The following NRIP1 variants were observed in gnomAD, a reference collection of about 807,000 sequenced individuals.
NRIP1 encodes nuclear receptor-interacting protein 1.
NRIP1 carries 28 observed loss-of-function variants against 75.0 expected under a neutral mutation model. The observed-to-expected ratio is 0.37, with a 90% confidence interval of 0.28 to 0.51. The LOEUF (loss-of-function observed/expected upper bound fraction) is 0.51. Among genes scored for constraint, NRIP1 ranks in the 20% least tolerant of loss-of-function variants. The pLI, the probability that NRIP1 is intolerant of heterozygous loss-of-function variation, is 0.92. For synonymous variants in NRIP1, 526 were observed against 487.6 expected (o/e 1.08, Z -1.04); for missense variants, 1,435 against 1,343.7 (o/e 1.07, Z -1.06).
intron 2 of NRIP1, among the ~76,000 whole-genome samples, chr21:15,039,575 T>G (rs997619820): frequency 1.3e-5 from 2 of 152,128 alleles, no homozygotes; most frequent in African/African-American, 4.8e-5. Flanking sequence ...TTAGGTAACC[T>G]TTAAATATCC....
intron 3 of NRIP1, among the ~76,000 whole-genome samples, chr21:14,987,458 C>T (rs1467242391): frequency 1.3e-5 from 2 of 152,168 alleles, no homozygotes; most frequent in African/African-American, 4.8e-5. Context: ...AAACCTGCTG[C>T]CAGGTTCCAC....
chr21:15,050,954 T>C (rs570352699), intron 1 of NRIP1: 2 of 455,362 alleles, frequency 4.4e-6, no homozygotes, highest in African/African-American at 4.0e-5. Flanking sequence ...AAAGCTACTA[T>C]TATTACACAC....
At chr21:14,998,951 C>T (rs1354507671) in intron 3 of NRIP1, among the ~76,000 whole-genome samples, 1 of 152,008 alleles carries the variant, frequency 6.6e-6, no homozygotes, top group African/African-American at 2.4e-5. Context: ...ACTCCTAATC[C>T]CCACATTGTC....
chr21:14,970,144 C>T (rs1299871586), intron 3 of NRIP1, among the ~76,000 whole-genome samples: 3 of 152,084 alleles, frequency 2.0e-5, no homozygotes, highest in African/African-American at 7.2e-5. Flanking sequence ...TGGCATGTTG[C>T]TTAATTGGAG....
At chr21:14,986,839 T>C (rs1047337528) in intron 3 of NRIP1, among the ~76,000 whole-genome samples, 15 of 152,304 alleles carry the variant, frequency 9.8e-5, no homozygotes, top group African/African-American at 2.9e-4. Flanking sequence ...TTGTATCCAA[T>C]TGGAAGGGCA....
chr21:15,017,937 A>G (rs931924944), intron 2 of NRIP1, among the ~76,000 whole-genome samples: 8 of 152,222 alleles, frequency 5.3e-5, no homozygotes, highest in African/African-American at 1.9e-4. Flanking sequence ...CAAAAGATAA[A>G]TTAAAAGAAT....
chr21:15,014,241 T>C, intron 3 of NRIP1, 103 bp downstream of exon 3: 1 of 387,234 alleles, frequency 2.6e-6, no homozygotes, highest in Non-Finnish European at 4.6e-6. Flanking sequence ...ACATAATACA[T>C]ATTTTGAATT....
chr21:15,026,327 G>C (rs775830705), intron 2 of NRIP1, among the ~76,000 whole-genome samples: 39 of 152,168 alleles, frequency 2.6e-4, no homozygotes, highest in Non-Finnish European at 4.6e-4. Flanking sequence ...AGTAAATCAA[G>C]ATCATAATAC....
At chr21:14,993,402 CT>C (rs2087626178) in intron 3 of NRIP1, among the ~76,000 whole-genome samples, 1 of 152,136 alleles carries the variant, frequency 6.6e-6, no homozygotes, top group African/African-American at 2.4e-5. Context: ...TCTGAAAGAT[CT>C]TCATTTATAC....
At position 14,968,201 on chromosome 21, in the gene NRIP1, G is replaced by A. The variant is rs945266863; in HGVS notation, c.-9C>T. 1.3e-6 allele frequency: 2 copies of A among 1,586,884 alleles called. No individual in the cohort carries two copies. The highest frequency in any genetic ancestry group is 2.7e-5 in the African/African-American group (2 of 73,874). ...TCTTCTCCATGAGTCATGTTCAATA[G>A]AAGTGTTCACAAGGGCTTGGTTTCT... On this transcript the variant is annotated 5_prime_UTR_variant, in exon 4 of 4. Transcript: ENST00000318948.
chr21:14,965,504 G>T lies in NRIP1; in HGVS notation c.2689C>A (p.Gln897Lys). The part of the protein sequence containing the change: ...PEVLYGSLLN[Q>K]EELKFSRNDL... ...TTTCTGCTAAATTTCAGCTCTTCCT[G>T]GTTAAGCAAGGACCCATACAGTACT... Residue 897 changes from glutamine to lysine, a missense_variant, in exon 4 of 4, where the codon CAG becomes AAG. Gln to Lys is a moderately conservative substitution (Grantham distance 53). Coordinates refer to ENST00000318948, the MANE Select transcript of NRIP1 (RefSeq NM_003489.4). 1 of 1,613,934 alleles carries T rather than the reference G, an allele frequency of 6.2e-7. No homozygotes were observed. The highest frequency in any genetic ancestry group is 8.5e-7 in the Non-Finnish European group (1 of 1,179,946).
intron 2 of NRIP1, among the ~76,000 whole-genome samples, chr21:15,026,872 T>C (rs987230238): frequency 4.6e-5 from 7 of 152,068 alleles, no homozygotes; most frequent in Non-Finnish European, 2.9e-5. Flanking sequence ...CTGTACATAT[T>C]AAATAACTTA....
chr21:15,030,169 T>C (rs2088611290), intron 2 of NRIP1, among the ~76,000 whole-genome samples: 1 of 152,188 alleles, frequency 6.6e-6, no homozygotes, highest in South Asian at 2.1e-4. Context: ...CATCACCAAG[T>C]CACTCAAGAT....
intron 1 of NRIP1, chr21:15,050,692 T>C (rs2089181935): frequency 2.2e-6 from 1 of 455,694 alleles, no homozygotes; most frequent in Admixed American, 2.4e-5. Flanking sequence ...TGTTTATGTT[T>C]CTTATTTTCT....
At chr21:15,016,269 T>A (rs1039300107) in intron 2 of NRIP1, among the ~76,000 whole-genome samples, 1 of 152,084 alleles carries the variant, frequency 6.6e-6, no homozygotes, top group East Asian at 1.9e-4. Flanking sequence ...CTAAGAAGAG[T>A]AGGAAACAAT....
chr21:14,967,539 A>G lies in NRIP1; in HGVS notation c.654T>C (p.Ser218=). The G allele has an allele frequency of 6.2e-7, 1 of 1,614,146 alleles. No homozygotes were observed. The highest frequency in any genetic ancestry group is 8.5e-7 in the Non-Finnish European group (1 of 1,180,010). The change falls in exon 4 of 4, where the codon TCT becomes TCC. Residue 218 remains serine (S), a synonymous_variant. Transcript: ENST00000318948. ...KNLIRDRFAE[S]PHHVGQSGTK... ...TTCCACTTTGTCCAACATGATGAGG[A>G]GACTCTGCAAACCTATCTCTGATGA...
At chr21:15,063,243 T>C (rs1188394058) in intron 1 of NRIP1, among the ~76,000 whole-genome samples, 5 of 152,184 alleles carry the variant, frequency 3.3e-5, no homozygotes, top group Non-Finnish European at 7.3e-5. Context: ...ATGAAGCCAG[T>C]GCTCCCTGAA....
At chr21:14,973,705 CTCAT>C (rs2086968555) in intron 3 of NRIP1, among the ~76,000 whole-genome samples, 1 of 137,276 alleles carries the variant, frequency 7.3e-6, no homozygotes, top group African/African-American at 2.7e-5. Flanking sequence ...GAGACAAGTT[CTCAT>C]TCTGTTGCCC....
upstream of NRIP1, chr21:15,065,078 C>T (rs987614999): frequency 1.9e-5 from 3 of 154,720 alleles, no homozygotes; most frequent in African/African-American, 4.8e-5. Flanking sequence ...TCCGCCGCGG[C>T]CCAGTCCCTC....
Sources: gnomAD v4.1 joint callset for allele counts (sites outside exome capture counted in the v4.1 genomes callset) on GRCh38, gnomAD v4.1.1 for gene constraint, MANE v1.5 for transcripts, NCBI Gene and HGNC (gene_info 2026-07-23, HGNC 2026-07-21) for gene names.